The following OLFML2B variants were observed in gnomAD, a reference collection of about 807,000 sequenced individuals.
OLFML2B encodes olfactomedin like 2B, also known as olfactomedin-like protein 2B.
In OLFML2B, 57 loss-of-function variants were observed where a neutral mutation model predicts 74.9. The observed-to-expected ratio is 0.76, with a 90% CI of 0.61 to 0.95. The LOEUF (loss-of-function observed/expected upper bound fraction) is 0.95, where lower values mean the gene tolerates loss of function less well. Ranked by LOEUF, OLFML2B falls within the 40% of genes least tolerant of loss-of-function variation. The probability of loss-of-function intolerance (pLI) is 0.00; values close to 1 mark genes in which losing one functional copy is unlikely to be tolerated. For missense variants in OLFML2B, 986 were observed against 970.6 expected, an observed-to-expected ratio of 1.02 and a Z score of -0.21; for synonymous variants, 388 against 405.8, an observed-to-expected ratio of 0.96 and a Z score of 0.53.
In OLFML2B at chr1:162,006,296, C is replaced by A; in HGVS notation, c.723+1G>T. ...GAGGCCCTTGGAGGCTGGGGCTATA[C>A]CTCTGGGTGGGCGTAGGCTGCTGCT... On this transcript the variant is annotated splice_donor_variant, in intron 4 of 7. Transcript: ENST00000294794. LOFTEE classifies it high-confidence loss of function. 6.3e-7 allele frequency: 1 copy of A among 1,577,224 alleles called. No individual in the cohort carries two copies. The highest frequency in any genetic ancestry group is 8.6e-7 in the Non-Finnish European group (1 of 1,165,474).
chr1:161,997,464 G>C (rs1689943417), intron 6 of OLFML2B, among the ~76,000 whole-genome samples: 1 of 152,074 alleles, frequency 6.6e-6, no homozygotes, highest in African/African-American at 2.4e-5. Flanking sequence ...TTATGGCTTG[G>C]TAAACTTACC....
At chr1:161,992,533 C>G (rs991173660) in intron 6 of OLFML2B, among the ~76,000 whole-genome samples, 2 of 152,246 alleles carry the variant, frequency 1.3e-5, no homozygotes, top group African/African-American at 4.8e-5. Context: ...ACATGCCATC[C>G]TCGCTCAGCT....
chr1:162,005,624 G>A (rs568438874), intron 4 of OLFML2B, among the ~76,000 whole-genome samples: 30 of 152,280 alleles, frequency 2.0e-4, no homozygotes, highest in Non-Finnish European at 3.2e-4. Context: ...AGGTACAGTG[G>A]CCCACGCCTG....
chr1:162,017,755 T>C (rs1394394238), intron 2 of OLFML2B, among the ~76,000 whole-genome samples: 2 of 152,244 alleles, frequency 1.3e-5, no homozygotes. Flanking sequence ...ACCTGAGGTC[T>C]AGACCTCTTC....
Position 161,997,982 on chromosome 1 carries a change from G to A in OLFML2B, c.1317C>T (p.Pro439=). Residue 439 remains proline (P), a synonymous_variant, in exon 6 of 8, where the codon CCC becomes CCT. Coordinates refer to ENST00000294794, the MANE Select transcript of OLFML2B (RefSeq NM_015441.3). ...PAAPAPPAVS[P]REALMEAMHT... ...GCATAGCTTCCATCAATGCCTCCCT[G>A]GGAGACACTGCCGGAGGAGCTGGGG... 6.2e-7 allele frequency: 1 copy of A among 1,614,202 alleles called. No individual in the cohort carries two copies. The highest frequency in any genetic ancestry group is 8.5e-7 in the Non-Finnish European group (1 of 1,180,032).
chr1:161,995,647 C>G (rs1396331820), intron 6 of OLFML2B, among the ~76,000 whole-genome samples: 1 of 152,190 alleles, frequency 6.6e-6, no homozygotes, highest in African/African-American at 2.4e-5. Context: ...GAACAACTCA[C>G]TCCTGGCTAG....
intron 1 of OLFML2B, 146 bp from the exon 2 acceptor site, chr1:162,020,328 A>T (rs1457522020): frequency 1.1e-6 from 1 of 884,968 alleles, no homozygotes; most frequent in Non-Finnish European, 1.7e-6. Context: ...TAGGTCACTG[A>T]GATGCAGTTT....
rs1012757498 is a variant in OLFML2B at position 161,983,620 on chromosome 1, A to C, written c.*55T>G. 2 of 1,561,342 alleles carry C rather than the reference A, an allele frequency of 1.3e-6. No individual in the cohort carries two copies. The highest frequency in any genetic ancestry group is 2.7e-5 in the African/African-American group (2 of 73,780). ...CCTACACACACGTGCGCGCACACAC[A>C]TACACACAAGGTGCTAGTGACCCCT... On this transcript the variant is annotated 3_prime_UTR_variant, in exon 8 of 8. Coordinates refer to ENST00000294794, the MANE Select transcript of OLFML2B (RefSeq NM_015441.3).
At chr1:162,022,244 C>CTTTTTTTTT (rs56395023) in intron 1 of OLFML2B, among the ~76,000 whole-genome samples, 2 of 70,738 alleles carry the variant, frequency 2.8e-5, no homozygotes, top group East Asian at 3.7e-4. Context: ...TGTATCTCTT[C>CTTTTTTTTT]TTTTTTTTTT....
chr1:161,985,308 A>G (rs1374274086), intron 6 of OLFML2B: 1 of 209,528 alleles, frequency 4.8e-6, no homozygotes, highest in East Asian at 1.1e-4. Flanking sequence ...CTGGAGAACT[A>G]TTCTATTCTA....
intron 3 of OLFML2B, among the ~76,000 whole-genome samples, chr1:162,013,094 CA>C (rs1690440142): frequency 6.6e-6 from 1 of 152,186 alleles, no homozygotes; most frequent in African/African-American, 2.4e-5. Context: ...GAGTGAGTGC[CA>C]CTGCCAGCTC....
intron 2 of OLFML2B, among the ~76,000 whole-genome samples, chr1:162,017,780 C>T (rs1329786724): frequency 6.6e-6 from 1 of 152,198 alleles, no homozygotes; most frequent in Non-Finnish European, 1.5e-5. Context: ...ACTGTTTATA[C>T]CTCTTTTATG....
chr1:162,021,433 A>G (rs974077338), intron 1 of OLFML2B, among the ~76,000 whole-genome samples: 1 of 152,142 alleles, frequency 6.6e-6, no homozygotes, highest in African/African-American at 2.4e-5. Context: ...TTCTCTCCCA[A>G]TCCTCTCCAA....
chr1:162,022,251 T>TG (rs1690727395), intron 1 of OLFML2B, among the ~76,000 whole-genome samples: 1 of 128,996 alleles, frequency 7.8e-6, no homozygotes, highest in African/African-American at 3.0e-5. Flanking sequence ...CTTCTTTTTT[T>TG]TTTTTTTTTT....
chr1:162,006,801 C>A (rs1373681896), intron 3 of OLFML2B, among the ~76,000 whole-genome samples: 1 of 152,194 alleles, frequency 6.6e-6, no homozygotes, highest in Non-Finnish European at 1.5e-5. Context: ...ATATAGTCCA[C>A]TCTTATCCAG....
At chr1:162,002,880 G>T (rs1690119101) in intron 4 of OLFML2B, among the ~76,000 whole-genome samples, 1 of 152,214 alleles carries the variant, frequency 6.6e-6, no homozygotes, top group Admixed American at 6.5e-5. Context: ...TCTGGTTGGT[G>T]GAGATGATAT....
At chr1:162,019,892 A>G (rs1212108694) in intron 2 of OLFML2B, 27 bp downstream of exon 2, 1 of 1,610,120 alleles carries the variant, frequency 6.2e-7, no homozygotes, top group Non-Finnish European at 8.5e-7. Flanking sequence ...CCTCTCGTCC[A>G]AGGCATTGCC....
intron 6 of OLFML2B, among the ~76,000 whole-genome samples, chr1:161,995,094 C>T (rs867755814): frequency 5.9e-5 from 9 of 152,302 alleles, no homozygotes; most frequent in Middle Eastern, 3.4e-3. Flanking sequence ...CAGGGGTCTG[C>T]AGAGAATGTT....
At chr1:162,006,211 G>T in intron 4 of OLFML2B, 86 bp downstream of exon 4, 2 of 1,294,372 alleles carry the variant, frequency 1.5e-6, no homozygotes, top group Non-Finnish European at 1.0e-6. Context: ...AAGGACTGAA[G>T]CCTGAAAAGT....
Sources: allele counts gnomAD v4.1 joint callset (sites outside exome capture counted in the v4.1 genomes callset), GRCh38; gene constraint gnomAD v4.1.1; transcripts MANE v1.5; gene names NCBI Gene and HGNC (gene_info 2026-07-23, HGNC 2026-07-21).